INF2: variants seen among roughly 807,000 people sequenced by gnomAD.
The protein encoded by INF2 is inverted formin 2.
INF2 carries 43 observed loss-of-function variants against 123.5 expected under a neutral mutation model. That is an observed-to-expected ratio of 0.35 (90% confidence interval 0.27 to 0.45). The LOEUF is 0.45. INF2 is among the 20% of genes least tolerant of loss of function. INF2 has a pLI of 1.00. For synonymous variants in INF2, 851 were observed against 745.0 expected (o/e 1.14, Z -2.32); for missense variants, 1,453 against 1,682.7 (o/e 0.86, Z 2.39).
chr14:104,689,039 C>T (rs1888789025), upstream of INF2, among the ~76,000 whole-genome samples: 1 of 152,332 alleles, frequency 6.6e-6, no homozygotes, highest in African/African-American at 2.4e-5. Flanking sequence ...CGGCGAAGTG[C>T]GGCTGCCCAA....
At chr14:104,710,022 G>GC in intron 12 of INF2, 66 bp from the exon 13 acceptor site, 3 of 1,339,752 alleles carry the variant, frequency 2.2e-6, no homozygotes, top group Non-Finnish European at 3.1e-6. Flanking sequence ...GCCCTGTGCT[G>GC]AGTGCCCCTC....
upstream of INF2, among the ~76,000 whole-genome samples, chr14:104,685,698 G>T (rs1354050945): frequency 6.6e-6 from 1 of 150,502 alleles, no homozygotes; most frequent in Admixed American, 6.7e-5. Context: ...TAGGTGGATG[G>T]ATGTGTTGGT....
intron 13 of INF2, 106 bp downstream of exon 13, chr14:104,710,294 A>G (rs1222098691): frequency 9.1e-6 from 7 of 770,626 alleles, no homozygotes; most frequent in Non-Finnish European, 1.3e-5. Flanking sequence ...AATGGCTGCT[A>G]AGAGCACCTA....
Position 104,706,915 on chromosome 14 carries a change from C to T in INF2, c.849C>T (p.Ser283=), listed in dbSNP as rs764824932. 6.2e-7 allele frequency: 1 copy of T among 1,604,168 alleles called. No individual in the cohort carries two copies. The highest frequency in any genetic ancestry group is 8.5e-7 in the Non-Finnish European group (1 of 1,179,282). The change falls in exon 7 of 23, where the codon AGC becomes AGT. Residue 283 remains serine (S), a synonymous_variant. Coordinates refer to ENST00000392634, the MANE Select transcript of INF2 (RefSeq NM_022489.4). ...EVFASLFHKV[S]CSPVSAQLLS... is the part of the protein sequence containing the mutation. ...CCCCACACTCGCCCGTCCAGGTGAG[C>T]TGCTCCCCGGTGTCTGCCCAGCTCC... is the stretch of plus-strand genomic sequence containing the variant.
At chr14:104,705,525 T>C (rs1012543435) in intron 5 of INF2, among the ~76,000 whole-genome samples, 3 of 152,122 alleles carry the variant, frequency 2.0e-5, no homozygotes, top group African/African-American at 7.2e-5. Context: ...GCTGTGCTCA[T>C]TGACCAGACT....
At chr14:104,701,986 C>T (rs1005145417) in intron 2 of INF2, among the ~76,000 whole-genome samples, 1 of 152,208 alleles carries the variant, frequency 6.6e-6, no homozygotes, top group African/African-American at 2.4e-5. Context: ...GCTGCACCAG[C>T]GGTCCCCCTG....
chr14:104,681,586 A>G (rs752781222), intron 1 of INF2: 8 of 1,289,150 alleles, frequency 6.2e-6, no homozygotes, highest in Middle Eastern at 4.3e-4. Context: ...GGCCAAGGTA[A>G]GAGATCAGGA....
chr14:104,717,179 A>C (rs138281387), intron 22 of INF2, among the ~76,000 whole-genome samples: 2 of 152,252 alleles, frequency 1.3e-5, no homozygotes, highest in Non-Finnish European at 2.9e-5. Context: ...TGGAGCCCTA[A>C]ACTCGCCCAC....
intron 21 of INF2, 80 bp downstream of exon 21, chr14:104,714,936 C>A: frequency 7.2e-7 from 1 of 1,387,004 alleles, no homozygotes; most frequent in Non-Finnish European, 9.6e-7. Context: ...CCCCATTGGG[C>A]ACTGCAAGTT....
intron 1 of INF2, among the ~76,000 whole-genome samples, chr14:104,696,955 T>C (rs1298655031): frequency 1.3e-5 from 2 of 152,232 alleles, no homozygotes; most frequent in South Asian, 2.1e-4. Context: ...CAGGTGCTCA[T>C]GTGCCCAGCC....
chr14:104,684,011 T>G lies in INF2; in HGVS notation c.-104+2429T>G, dbSNP rs1888598898. 2.2e-6 allele frequency: 1 copy of G among 455,816 alleles called. No homozygotes were observed. The allele number at this position is 455,816 out of a possible 1,614,324, so 28.2% of individuals were successfully genotyped here. On this transcript the variant is annotated intron_variant, in intron 1 of 2. Coordinates refer to the INF2 transcript ENST00000674723. This position sits in a 1 kb window ranked among gnomAD's most constrained non-coding sequence, Gnocchi z 5.0. ...CCCATCTGGTGCTCCCTCCAGCTCC[T>G]CAAATTCCCAACACCAGGGTTGCAA...
upstream of INF2, among the ~76,000 whole-genome samples, chr14:104,686,165 T>C (rs1330459085): frequency 6.8e-6 from 1 of 147,774 alleles, no homozygotes; most frequent in Non-Finnish European, 1.5e-5. Context: ...GATGGGCAGA[T>C]GGATGGATGA....
intron 2 of INF2, 32 bp downstream of exon 2, chr14:104,701,788 G>C: frequency 6.9e-7 from 1 of 1,455,494 alleles, no homozygotes; most frequent in South Asian, 1.4e-5. Context: ...CCGCCCAGGC[G>C]GACGCTGGGG....
chr14:104,703,211 C>G lies in INF2; in HGVS notation c.498C>G (p.Asp166Glu). Reference protein sequence around the residue: ...EGHVLTLDALDHYKTVCSQQY... With the variant: ...EGHVLTLDALEHYKTVCSQQY... ...ACGTGCTGACCCTGGACGCCCTGGA[C>G]CACTACAAGGTGGGCGGCAGGGCCT... is the stretch of plus-strand genomic sequence containing the variant. The change falls in exon 3 of 23, where the codon GAC becomes GAG. Residue 166 changes from aspartate (D) to glutamate (E), a missense_variant. Asp to Glu is a conservative substitution (Grantham distance 45). Coordinates refer to ENST00000392634, the MANE Select transcript of INF2 (RefSeq NM_022489.4). 2.5e-6 allele frequency: 4 copies of G among 1,613,358 alleles called. No homozygotes were observed. Among genetic ancestry groups the G allele is most frequent in the Non-Finnish European group, 3.4e-6 (4 of 1,179,910 alleles).
rs989229538 is a variant in INF2 at position 104,709,170 on chromosome 14, C to G, written c.1950-111C>G. 12 of 795,820 alleles carry G rather than the reference C, an allele frequency of 1.5e-5. No individual in the cohort carries two copies. In the African/African-American group the frequency reaches 1.9e-4, roughly 12 times the overall value. The allele number at this position is 795,820 out of a possible 1,614,324, so 49.3% of individuals were successfully genotyped here. The stretch of plus-strand genomic sequence containing the variant: ...TCGACTGTTCTGTGTCCCCCCTGCC[C>G]TGGCCACCCCATGACTACGTGGGGA... On this transcript the variant is annotated intron_variant, in intron 10 of 22. Transcript: ENST00000392634.
At chr14:104,707,232 C>T in intron 7 of INF2, 21 bp from the exon 8 acceptor site, 2 of 1,599,826 alleles carry the variant, frequency 1.3e-6, no homozygotes, top group Non-Finnish European at 1.7e-6. Flanking sequence ...CTCCCTTGAC[C>T]CTGGACATCC....
Position 104,714,287 on chromosome 14 carries a change from G to A in INF2, c.3125G>A (p.Ser1042Asn), listed in dbSNP as rs1890189892. 1 of 1,592,948 alleles carries A rather than the reference G, an allele frequency of 6.3e-7. No homozygotes were observed. The highest frequency in any genetic ancestry group is 8.5e-7 in the Non-Finnish European group (1 of 1,171,146). Residue 1042 changes from serine (S) to asparagine (N), a missense_variant, in exon 21 of 23, where the codon AGC (serine) becomes AAC (asparagine). By Grantham distance (46) the Ser-to-Asn change is conservative. Coordinates refer to ENST00000392634, the MANE Select transcript of INF2 (RefSeq NM_022489.4). ...SEPGLDATTA[S>N]ESRGWDLVDA... The stretch of plus-strand genomic sequence containing the variant: ...CCCGGCCTTGATGCTACAACAGCCA[G>A]CGAGTCCCGGGGCTGGGACCTTGTA...
chr14:104,701,246 G>C, intron 1 of INF2, 111 bp from the exon 2 acceptor site: 1 of 1,230,492 alleles, frequency 8.1e-7, no homozygotes, highest in African/African-American at 1.5e-5. Flanking sequence ...ACGTGAGCAG[G>C]AATTGCAGCA....
In INF2 at chr14:104,714,816, C is replaced by T. The variant is rs557462297; in HGVS notation, c.3654C>T (p.Thr1218=). The part of the protein sequence containing the change: ...PRARGRASKG[T]GKRRKKRPSR... ...CCCGGGGCCGGGCCTCAAAGGGGAC[C>T]GGGAAGCGAAGGAAGAAGCGTCCCT... Residue 1218 remains threonine (T), a synonymous_variant, in exon 21 of 23, where the codon ACC becomes ACT. Transcript: ENST00000392634. 40 of 1,593,942 alleles carry T rather than the reference C, an allele frequency of 2.5e-5. No individual in the cohort carries two copies. In the African/African-American group the frequency reaches 3.0e-4, roughly 12 times the overall value.
Sources: allele counts gnomAD v4.1 joint callset (sites outside exome capture counted in the v4.1 genomes callset), GRCh38; gene constraint gnomAD v4.1.1; non-coding constraint Gnocchi (gnomAD v3.1); transcripts MANE v1.5; gene names NCBI Gene and HGNC (gene_info 2026-07-23, HGNC 2026-07-21).